KCNN3: variants seen among roughly 807,000 people sequenced by gnomAD.
KCNN3 encodes small conductance calcium-activated potassium channel protein 3.
Under a neutral mutation model 62.9 loss-of-function variants are expected in KCNN3, and 16 were observed. That is an observed-to-expected ratio of 0.25 (90% CI 0.17 to 0.39). KCNN3 has a LOEUF of 0.39. Among genes scored for constraint, KCNN3 ranks in the 10% least tolerant of loss-of-function variants. KCNN3 has a pLI of 1.00. For synonymous variants in KCNN3, 370 were observed against 389.2 expected (o/e 0.95, Z 0.58); for missense variants, 599 against 949.4 (o/e 0.63, Z 4.85).
intron 1 of KCNN3, among the ~76,000 whole-genome samples, chr1:154,864,016 GAAGGCCATTTTCACGCTGTCAA>G (rs761143876): frequency 7.2e-5 from 11 of 152,232 alleles, no homozygotes; most frequent in Non-Finnish European, 1.3e-4. Flanking sequence ...GGGTGGCGGA[GAAGGCCATTTTCACGCTGTCAA>G]AAGGCCATTT....
chr1:154,712,441 C>A (rs750941866), intron 7 of KCNN3, among the ~76,000 whole-genome samples: 8 of 152,164 alleles, frequency 5.3e-5, no homozygotes, highest in Non-Finnish European at 1.0e-4. Context: ...GCCACTTACT[C>A]CCCGATTGAA....
chr1:154,757,467 C>A (rs1221748181), intron 3 of KCNN3, among the ~76,000 whole-genome samples: 1 of 152,148 alleles, frequency 6.6e-6, no homozygotes. Context: ...AAGGCCCTTA[C>A]AATTGTATTG....
chr1:154,788,180 A>G (rs149955260), intron 2 of KCNN3, among the ~76,000 whole-genome samples: 2,201 of 152,278 alleles, frequency 0.014, 54 homozygotes, highest in African/African-American at 0.05. Context: ...TTTTCTAGTT[A>G]GTTCTGAGGT....
chr1:154,733,345 G>A (rs1700639767), intron 3 of KCNN3, among the ~76,000 whole-genome samples: 2 of 152,140 alleles, frequency 1.3e-5, no homozygotes, highest in South Asian at 4.1e-4. Flanking sequence ...CCCCCGTCCC[G>A]TTGGCCTCCC....
intron 1 of KCNN3, among the ~76,000 whole-genome samples, chr1:154,846,715 A>C (rs1652076495): frequency 6.6e-6 from 1 of 152,206 alleles, no homozygotes; most frequent in Non-Finnish European, 1.5e-5. Flanking sequence ...AAAATTGAGC[A>C]GAGAAAGCAC....
intron 2 of KCNN3, among the ~76,000 whole-genome samples, chr1:154,773,324 C>G (rs1314855048): frequency 1.3e-5 from 2 of 152,228 alleles, no homozygotes; most frequent in African/African-American, 4.8e-5. Flanking sequence ...GCTTCGCTCC[C>G]ATATGGCTGC....
At chr1:154,868,927 T>TCC (rs1653063270) in intron 1 of KCNN3, 105 bp downstream of exon 1, 1 of 1,093,658 alleles carries the variant, frequency 9.1e-7, no homozygotes, top group African/African-American at 1.6e-5. Context: ...TCTCTCTCTC[T>TCC]CTCTCTCTCA....
At chr1:154,818,303 CA>C (rs1650750510) in intron 2 of KCNN3, among the ~76,000 whole-genome samples, 1 of 152,098 alleles carries the variant, frequency 6.6e-6, no homozygotes, top group South Asian at 2.1e-4. Context: ...AGAACCAGGC[CA>C]GGGGGCAAGT....
chr1:154,837,185 G>A (rs1651628973), intron 1 of KCNN3, among the ~76,000 whole-genome samples: 1 of 150,976 alleles, frequency 6.6e-6, no homozygotes, highest in African/African-American at 2.4e-5. Context: ...TGCAATCTCT[G>A]CCTCCCAGAT....
chr1:154,757,353 C>G (rs1382502439), intron 3 of KCNN3, among the ~76,000 whole-genome samples: 1 of 152,200 alleles, frequency 6.6e-6, no homozygotes, highest in African/African-American at 2.4e-5. Flanking sequence ...CTGGTTCCCA[C>G]GTGGCTGAAC....
intron 1 of KCNN3, among the ~76,000 whole-genome samples, chr1:154,846,221 T>C (rs2101917451): frequency 6.6e-6 from 1 of 152,280 alleles, no homozygotes; most frequent in African/African-American, 2.4e-5. Flanking sequence ...CCCACAGCAG[T>C]TACCTCCACT....
At chr1:154,746,661 T>C (rs1259278404) in intron 3 of KCNN3, among the ~76,000 whole-genome samples, 1 of 152,120 alleles carries the variant, frequency 6.6e-6, no homozygotes, top group Non-Finnish European at 1.5e-5. Flanking sequence ...TGTTTTCCCT[T>C]TCACTTGTTC....
intron 5 of KCNN3, among the ~76,000 whole-genome samples, chr1:154,724,638 T>G (rs541387058): frequency 6.6e-6 from 1 of 152,348 alleles, no homozygotes; most frequent in Non-Finnish European, 1.5e-5. Flanking sequence ...CTGTCTATTC[T>G]AAATGGGTCT....
intron 3 of KCNN3, among the ~76,000 whole-genome samples, chr1:154,740,308 G>C (rs1216040178): frequency 1.3e-5 from 2 of 152,074 alleles, no homozygotes; most frequent in Admixed American, 1.3e-4. Flanking sequence ...TTAGAGACAG[G>C]GTCTTACTCT....
At chr1:154,822,223 G>A (rs903704716) in intron 1 of KCNN3, 39 bp from the exon 2 acceptor site, 1 of 1,421,342 alleles carries the variant, frequency 7.0e-7, no homozygotes, top group South Asian at 1.2e-5. Context: ...GGGAGTGCGG[G>A]GAAAGGAGCG....
At chr1:154,838,942 C>G (rs1651711414) in intron 1 of KCNN3, among the ~76,000 whole-genome samples, 1 of 152,160 alleles carries the variant, frequency 6.6e-6, no homozygotes, top group South Asian at 2.1e-4. Context: ...CCTTGTTTCT[C>G]CCGAAGCTAC....
intron 3 of KCNN3, among the ~76,000 whole-genome samples, chr1:154,758,675 G>T (rs2131900): frequency 0.29 from 43,949 of 152,054 alleles, 7,110 homozygotes; most frequent in Middle Eastern, 0.44. Context: ...GAACGAGGTG[G>T]GGTACTCAAG....
chr1:154,726,230 C>G (rs558944444), intron 4 of KCNN3, among the ~76,000 whole-genome samples: 48 of 152,326 alleles, frequency 3.2e-4, no homozygotes, highest in African/African-American at 1.1e-3. Context: ...GAGGGGTCTG[C>G]AGTGCCTCTT....
In KCNN3 at chr1:154,853,344, G is replaced by A. The variant is rs538365382; in HGVS notation, c.933+15688C>T. ...GTTTTTGTTTTCTGTTTTTGTTTTT[G>A]TTTTTGTTTGAGACCAGGTCTCACT... On this transcript the variant is annotated intron_variant, in intron 1 of 7. Transcript: ENST00000271915. Among the ~76,000 whole-genome samples, 27 of 151,900 alleles carry A rather than the reference G, an allele frequency of 1.8e-4. No individual in the cohort carries two copies. The South Asian group carries it at 4.6e-3, about 26-fold the overall frequency.
Sources: allele counts gnomAD v4.1 joint callset (sites outside exome capture counted in the v4.1 genomes callset), GRCh38; gene constraint gnomAD v4.1.1; transcripts MANE v1.5; gene names NCBI Gene and HGNC (gene_info 2026-07-23, HGNC 2026-07-21).